SYT7: variants seen among roughly 807,000 people sequenced by gnomAD.
SYT7 encodes the protein synaptotagmin 7, also known as synaptotagmin-7.
A neutral mutation model predicts 75.1 loss-of-function variants in SYT7; 29 were observed. The ratio of observed to expected loss-of-function variants is 0.39; its 90% confidence interval spans 0.29 to 0.53. The LOEUF (loss-of-function observed/expected upper bound fraction) is 0.53, where lower values mean the gene tolerates loss of function less well. SYT7 is among the 20% of genes least tolerant of loss of function. The pLI, the probability that SYT7 is intolerant of heterozygous loss-of-function variation, is 0.77. For missense variants in SYT7, 693 were observed against 953.2 expected (o/e 0.73, Z 3.59); for synonymous variants, 376 against 401.7 (o/e 0.94, Z 0.76).
In SYT7 at chr11:61,517,307, TC is replaced by T; in HGVS notation, c.*1319del. ...TGGCCGAGGCAGAGAAACCACAGCT[TC>T]TTTGTGTGTGGCAACCTCAGAACTC... On this transcript the variant is annotated 3_prime_UTR_variant, in exon 13 of 13. Transcript: ENST00000539008. The T allele has an allele frequency of 2.5e-6, 1 of 398,590 alleles. No individual in the cohort carries two copies. The highest frequency in any genetic ancestry group is 4.4e-6 in the Non-Finnish European group (1 of 226,086). The allele number at this position is 398,590 out of a possible 1,614,324, so 24.7% of individuals were successfully genotyped here. A position where few individuals can be genotyped will look rare whatever the true frequency, so the allele number is the denominator to read the frequency against.
In SYT7 at chr11:61,533,104, G is replaced by A. The variant is rs755922901; in HGVS notation, c.1085C>T (p.Ala362Val). 1.2e-5 allele frequency: 19 copies of A among 1,603,574 alleles called. 1 individual carries two copies. Among genetic ancestry groups the A allele is most frequent in the South Asian group, 6.6e-5 (6 of 90,416 alleles). Residue 362 changes from alanine (A) to valine (V), a missense_variant, in exon 8 of 13, where the codon GCG becomes GTG. Ala to Val is a moderately conservative substitution (Grantham distance 64, BLOSUM62 0). Transcript: ENST00000539008. ...GCCTGGCACGGGGGCTGTGTTCACC[G>A]CCTTCCCTCCTGCAGGCAACCTGAG... ...GDKRLPAGGK[A>V]VNTAPVPGQT...
At chr11:61,531,750 C>T (rs1398862874) in intron 8 of SYT7, among the ~76,000 whole-genome samples, 8 of 151,672 alleles carry the variant, frequency 5.3e-5, no homozygotes, top group African/African-American at 4.9e-5. Flanking sequence ...AAAAATTAGC[C>T]GGGCGTGGTG....
At chr11:61,554,247 C>T (rs746715237) in intron 2 of SYT7, among the ~76,000 whole-genome samples, 1 of 152,066 alleles carries the variant, frequency 6.6e-6, no homozygotes, top group Non-Finnish European at 1.5e-5. Context: ...GGGTGGAGAC[C>T]AGTTACAGTT....
chr11:61,578,141 C>A (rs372443463), intron 1 of SYT7, among the ~76,000 whole-genome samples: 1 of 152,216 alleles, frequency 6.6e-6, no homozygotes. Context: ...GGGTTCTTCA[C>A]TGGACTCCGA....
At chr11:61,581,368 C>T (rs1172238741), upstream of SYT7, among the ~76,000 whole-genome samples, 1 of 151,798 alleles carries the variant, frequency 6.6e-6, no homozygotes, top group Non-Finnish European at 1.5e-5. Context: ...TCCGGCTCCG[C>T]TGCGCGACCC....
At chr11:61,558,123 G>A (rs1226232715) in intron 1 of SYT7, among the ~76,000 whole-genome samples, 1 of 152,204 alleles carries the variant, frequency 6.6e-6, no homozygotes, top group African/African-American at 2.4e-5. Context: ...TAAAGTAAAC[G>A]CCATTCTTAC....
rs71490328 is a variant in SYT7 at position 61,514,047 on chromosome 11, C to T, written c.*4580G>A. Among the ~76,000 whole-genome samples the T allele has an allele frequency of 0.032, 4,903 of 151,810 alleles. 124 individuals are homozygous for T. The highest frequency in any genetic ancestry group is 0.049 in the Non-Finnish European group (3,345 of 67,892). On this transcript the variant is annotated 3_prime_UTR_variant, in exon 13 of 13. Coordinates refer to ENST00000539008, the MANE Select transcript of SYT7 (RefSeq NM_001365809.2). ...AAGAAAACACCAGAGGGCGGTGGTCCCAGGTACAGGGAGGGGTGGGGGAGC... is the reference window on the plus strand; with the variant it reads ...AAGAAAACACCAGAGGGCGGTGGTCTCAGGTACAGGGAGGGGTGGGGGAGC...
upstream of SYT7, among the ~76,000 whole-genome samples, chr11:61,581,591 G>T (rs1003850351): frequency 1.3e-5 from 2 of 152,378 alleles, no homozygotes; most frequent in East Asian, 3.9e-4. Context: ...AAAACCAGGA[G>T]TGGAATTTTT....
At chr11:61,570,037 C>G (rs2063880110) in intron 1 of SYT7, among the ~76,000 whole-genome samples, 1 of 152,248 alleles carries the variant, frequency 6.6e-6, no homozygotes, top group South Asian at 2.1e-4. Flanking sequence ...AGCCAGGGGC[C>G]CTCCTGGGCC....
chr11:61,526,428 T>A (rs2135089591), intron 9 of SYT7: 1 of 152,340 alleles, frequency 6.6e-6, no homozygotes, highest in Middle Eastern at 3.4e-3. Context: ...AGAACCCATT[T>A]TGAATGGCCC....
At chr11:61,555,838 C>A (rs898827954) in intron 2 of SYT7, among the ~76,000 whole-genome samples, 5 of 152,206 alleles carry the variant, frequency 3.3e-5, no homozygotes, top group African/African-American at 4.8e-5. Context: ...CTAAGTCTGT[C>A]CCCGAATGTG....
Position 61,528,139 on chromosome 11 carries a change from C to G in SYT7, c.1247G>C (p.Arg416Pro). The G allele has an allele frequency of 6.2e-7, 1 of 1,613,064 alleles. No homozygotes were observed. The highest frequency in any genetic ancestry group is 1.1e-5 in the South Asian group (1 of 91,078). ...EEDEAHEGCS[R>P]ENLGRIQFSV... ...GAACTGGATCCGGCCCAGGTTCTCT[C>G]GGCTGCAACCCTCGTGGGCCTCATC... The change falls in exon 9 of 13, where the codon CGA becomes CCA. Residue 416 changes from arginine to proline, a missense_variant. Around this residue, in one of 2 missense-constraint regions of SYT7, gnomAD observed 487 missense variants for 593.2 expected, o/e 0.82. Transcript: ENST00000539008.
At chr11:61,555,966 CCT>C (rs1173828544) in intron 2 of SYT7, 136 bp downstream of exon 2, 1 of 721,624 alleles carries the variant, frequency 1.4e-6, no homozygotes, top group Non-Finnish European at 2.3e-6. Flanking sequence ...TGGAAGTGCC[CCT>C]GACTATGCGG....
intron 1 of SYT7, among the ~76,000 whole-genome samples, chr11:61,570,056 AC>A (rs1268923308): frequency 6.6e-6 from 1 of 152,264 alleles, no homozygotes; most frequent in East Asian, 1.9e-4. Context: ...CCACACAGCA[AC>A]ACGACCAGGA....
At chr11:61,540,486 C>G (rs751844981) in intron 6 of SYT7, 5 of 981,524 alleles carry the variant, frequency 5.1e-6, no homozygotes, top group Non-Finnish European at 4.8e-6. Context: ...ATTATCTGGA[C>G]CTTTCTAGGA....
At chr11:61,581,859 C>T (rs2064283182), upstream of SYT7, among the ~76,000 whole-genome samples, 1 of 152,198 alleles carries the variant, frequency 6.6e-6, no homozygotes, top group South Asian at 2.1e-4. Flanking sequence ...CCTCCTTCTC[C>T]TTCCAACCCT....
chr11:61,530,683 C>T (rs948345321), intron 8 of SYT7, among the ~76,000 whole-genome samples: 1 of 152,184 alleles, frequency 6.6e-6, no homozygotes, highest in African/African-American at 2.4e-5. Flanking sequence ...GGCCTCAGCC[C>T]CACCTGAGGT....
chr11:61,538,992 C>T (rs1481964626), intron 6 of SYT7, among the ~76,000 whole-genome samples: 1 of 152,194 alleles, frequency 6.6e-6, no homozygotes, highest in South Asian at 2.1e-4. Context: ...TATGGCAACT[C>T]GGCCATAGTG....
rs1401287223 is a variant in SYT7 at position 61,580,840 on chromosome 11, C to T, written c.-20G>A. On this transcript the variant is annotated 5_prime_UTR_variant, in exon 1 of 13. Coordinates refer to ENST00000539008, the MANE Select transcript of SYT7 (RefSeq NM_001365809.2). The surrounding 1 kb of genome is among the most constrained non-coding windows in gnomAD (Gnocchi z 6.1). ...GTACATGGTCCCCTCGTCGCCGGTT[C>T]CCTCCGGGCTCCTCAGAGCCGCCCG... The T allele has an allele frequency of 8.0e-7, 1 of 1,247,416 alleles. No individual in the cohort carries two copies. The highest frequency in any genetic ancestry group is 2.9e-5 in the South Asian group (1 of 34,058). 77.3% of individuals were successfully genotyped at this position (1,247,416 alleles called of 1,614,324 possible).
Sources: gnomAD v4.1 joint callset for allele counts (sites outside exome capture counted in the v4.1 genomes callset) on GRCh38, gnomAD v4.1.1 for gene constraint, gnomAD v4.1.1 regional missense constraint, Gnocchi (gnomAD v3.1) non-coding constraint, MANE v1.5 for transcripts, NCBI Gene and HGNC (gene_info 2026-07-23, HGNC 2026-07-21) for gene names.